NOL10: variants seen among roughly 807,000 people sequenced by gnomAD.
NOL10 encodes the protein nucleolar protein 10, also known as H_NH0074G24.1.
Under a neutral mutation model 103.5 loss-of-function variants are expected in NOL10, and 58 were observed. That is an observed-to-expected ratio of 0.56 (90% CI 0.45 to 0.70). The LOEUF (loss-of-function observed/expected upper bound fraction) is 0.70. Ranked by LOEUF, NOL10 falls within the 30% of genes least tolerant of loss-of-function variation. The probability of loss-of-function intolerance (pLI) is 0.00; values close to 1 mark genes in which losing one functional copy is unlikely to be tolerated. For synonymous variants in NOL10, 287 were observed against 282.5 expected, an observed-to-expected ratio of 1.02 and a Z score of -0.16; for missense variants, 763 against 807.3, an observed-to-expected ratio of 0.95 and a Z score of 0.67.
chr2:10,600,820 C>T, intron 17 of NOL10, 33 bp downstream of exon 17: 2 of 1,366,324 alleles, frequency 1.5e-6, no homozygotes, highest in Non-Finnish European at 2.0e-6. Flanking sequence ...CAACAAAACG[C>T]AGAAACAATT....
At chr2:10,591,852 A>C (rs903556165) in intron 17 of NOL10, among the ~76,000 whole-genome samples, 1 of 152,100 alleles carries the variant, frequency 6.6e-6, no homozygotes, top group Non-Finnish European at 1.5e-5. Flanking sequence ...AAATATAAAA[A>C]ATTAGTCAGG....
chr2:10,587,188 TATAC>T lies in NOL10; in HGVS notation c.1844+1851_1844+1854del, dbSNP rs1197407273. 8.6e-5 allele frequency among the ~76,000 whole-genome samples: 4 copies of T among 46,408 alleles called. 1 individual carries two copies. The highest frequency in any genetic ancestry group is 4.6e-4 in the Admixed American group (2 of 4,330). The allele number at this position is 46,408 out of a possible 152,430, so 30.4% of individuals were successfully genotyped here. A position where few individuals can be genotyped will look rare whatever the true frequency, so the allele number is the denominator to read the frequency against. Reference sequence around the variant, plus strand: ...ATATACACATATATATACACATATATATACACATATATATACACATATATATATA... The same window carrying T: ...ATATACACATATATATACACATATATACATATATATACACATATATATATA... On this transcript the variant is annotated intron_variant, in intron 19 of 20. Coordinates refer to ENST00000381685, the MANE Select transcript of NOL10 (RefSeq NM_024894.4).
chr2:10,655,274 G>A (rs915622252), intron 11 of NOL10, among the ~76,000 whole-genome samples: 1 of 150,640 alleles, frequency 6.6e-6, no homozygotes, highest in African/African-American at 2.4e-5. Context: ...AGAAGGGAAA[G>A]AAGGGAAGAA....
chr2:10,684,964 T>C (rs1682050343), intron 1 of NOL10, among the ~76,000 whole-genome samples: 2 of 152,214 alleles, frequency 1.3e-5, no homozygotes. Flanking sequence ...CCTTCCAAAA[T>C]GCTAGGTCTA....
At chr2:10,636,490 C>T (rs1305875518) in intron 13 of NOL10, among the ~76,000 whole-genome samples, 1 of 147,852 alleles carries the variant, frequency 6.8e-6, no homozygotes, top group Non-Finnish European at 1.5e-5. Flanking sequence ...TACCTGTAGT[C>T]CCAGATACTC....
chr2:10,600,924 T>C lies in NOL10; in HGVS notation c.1351A>G (p.Lys451Glu). The C allele has an allele frequency of 6.4e-7, 1 of 1,552,886 alleles. No individual in the cohort carries two copies. The highest frequency in any genetic ancestry group is 8.7e-7 in the Non-Finnish European group (1 of 1,147,130). ...TCAATTAATTTAAGTGCCAGCTCTT[T>C]GTTAACTTTTGGCAATTTCTAGAGA... ...VQLKKLPKVN[K>E]ELALKLIEEE... The change falls in exon 17 of 21, where the codon AAA becomes GAA. Residue 451 changes from lysine to glutamate, a missense_variant. By Grantham distance (56) the Lys-to-Glu change is moderately conservative. Coordinates refer to ENST00000381685, the MANE Select transcript of NOL10 (RefSeq NM_024894.4).
chr2:10,627,551 T>C (rs1384186895), intron 13 of NOL10, among the ~76,000 whole-genome samples: 1 of 151,976 alleles, frequency 6.6e-6, no homozygotes, highest in Non-Finnish European at 1.5e-5. Context: ...GGCGGGTGCC[T>C]GTAGTCCCAG....
chr2:10,625,355 G>A lies in NOL10; in HGVS notation c.1027-18044C>T, dbSNP rs184941108. 4.1e-4 allele frequency among the ~76,000 whole-genome samples: 63 copies of A among 152,232 alleles called. 1 individual carries two copies. In the South Asian group the frequency reaches 7.9e-3, roughly 19 times the overall value. ...TGTAAAGTGCTGATGGTGAGGGAGC[G>A]TGTGGGGGAGGGACATAAGAACTCT... On this transcript the variant is annotated intron_variant, in intron 13 of 20. Transcript: ENST00000381685.
intron 13 of NOL10, among the ~76,000 whole-genome samples, chr2:10,607,831 C>A (rs1676340090): frequency 6.6e-6 from 1 of 150,790 alleles, no homozygotes; most frequent in South Asian, 2.1e-4. Context: ...CTCCTGAGTT[C>A]AAGCAATCTG....
intron 12 of NOL10, among the ~76,000 whole-genome samples, chr2:10,653,627 C>T (rs149741803): frequency 1.9e-4 from 29 of 152,232 alleles, no homozygotes; most frequent in Non-Finnish European, 2.6e-4. Context: ...CCAGAGCCAC[C>T]ACAGCTCAGG....
At chr2:10,608,646 C>G (rs771022888) in intron 13 of NOL10, among the ~76,000 whole-genome samples, 9 of 152,112 alleles carry the variant, frequency 5.9e-5, no homozygotes, top group Non-Finnish European at 1.3e-4. Flanking sequence ...TTAAATCTAG[C>G]TTAAACTTTC....
intron 13 of NOL10, among the ~76,000 whole-genome samples, chr2:10,636,105 C>G (rs1678190211): frequency 6.6e-6 from 1 of 152,146 alleles, no homozygotes; most frequent in African/African-American, 2.4e-5. Context: ...CCAGGCTAGT[C>G]TCAAGCTCTT....
chr2:10,614,259 C>G (rs1232001802), intron 13 of NOL10, among the ~76,000 whole-genome samples: 2 of 151,996 alleles, frequency 1.3e-5, no homozygotes, highest in Non-Finnish European at 2.9e-5. Context: ...AGTGCCCAGC[C>G]CGCTATTAGA....
rs775458774 is a variant in NOL10 at position 10,671,670 on chromosome 2, A to G, written c.348T>C (p.Asp116=). The change falls in exon 6 of 21, where the codon GAT becomes GAC. Residue 116 remains aspartate, a synonymous_variant. Transcript: ENST00000381685. ...DYSKIVFLHN[D]RYIEFHSQSG... is the part of the protein sequence containing the mutation. Reference sequence around the variant, plus strand: ...ATTGCGAATGAAATTCAATGTATCTATCATTATGTAAGAAGACAATCTGAA... The same window carrying G: ...ATTGCGAATGAAATTCAATGTATCTGTCATTATGTAAGAAGACAATCTGAA... 1.9e-6 allele frequency: 3 copies of G among 1,569,348 alleles called. No homozygotes were observed. Among genetic ancestry groups the G allele is most frequent in the Non-Finnish European group, 2.6e-6 (3 of 1,155,202 alleles).
Position 10,602,801 on chromosome 2 carries a change from G to A in NOL10, c.1307C>T (p.Thr436Ile). 6.2e-7 allele frequency: 1 copy of A among 1,605,156 alleles called. No homozygotes were observed. The highest frequency in any genetic ancestry group is 2.2e-5 in the East Asian group (1 of 44,760). Residue 436 changes from threonine to isoleucine, a missense_variant, in exon 16 of 21, where the codon ACA becomes ATA. Transcript: ENST00000381685. Reference sequence around the variant, plus strand: ...CTTTAACTGGACTCTCTGTGCACGTGTTTCTTCTATTTTCTGTCGTATTTT... The same window carrying A: ...CTTTAACTGGACTCTCTGTGCACGTATTTCTTCTATTTTCTGTCGTATTTT... ...KDKIRQKIEETRAQRVQLKKL... is the reference protein window; with the variant it reads ...KDKIRQKIEEIRAQRVQLKKL...
chr2:10,606,995 A>G (rs1470314871), intron 14 of NOL10, among the ~76,000 whole-genome samples, 190 bp downstream of exon 14: 1 of 152,218 alleles, frequency 6.6e-6, no homozygotes, highest in Non-Finnish European at 1.5e-5. Context: ...TGTTAAATTT[A>G]CTTGAACTTT....
intron 13 of NOL10, among the ~76,000 whole-genome samples, chr2:10,627,439 G>A (rs139850583): frequency 0.037 from 5,614 of 152,138 alleles, 202 homozygotes; most frequent in African/African-American, 0.093. Context: ...ACTTTGGGAG[G>A]CTGAGGCGAG....
chr2:10,651,453 T>A (rs986986119), intron 12 of NOL10, among the ~76,000 whole-genome samples: 2 of 149,668 alleles, frequency 1.3e-5, no homozygotes, highest in African/African-American at 2.4e-5. Context: ...TATATTTTAC[T>A]AATCCAACAG....
chr2:10,605,230 C>G (rs146488433), intron 14 of NOL10, among the ~76,000 whole-genome samples: 179 of 152,284 alleles, frequency 1.2e-3, no homozygotes, highest in Non-Finnish European at 2.2e-3. Flanking sequence ...CCACCCAGTC[C>G]TTTTTACAGA....
Sources: allele counts gnomAD v4.1 joint callset (sites outside exome capture counted in the v4.1 genomes callset), GRCh38; gene constraint gnomAD v4.1.1; transcripts MANE v1.5; gene names NCBI Gene and HGNC (gene_info 2026-07-23, HGNC 2026-07-21).